Variants in AKAP12 observed in about 807,000 individuals in gnomAD.
AKAP12 encodes the protein A-kinase anchor protein 12.
AKAP12 carries 32 observed loss-of-function variants against 79.9 expected under a neutral mutation model. The observed-to-expected ratio is 0.40, with a 90% CI of 0.30 to 0.54. The LOEUF is 0.54. Ranked by LOEUF, AKAP12 falls within the 20% of genes least tolerant of loss-of-function variation. The pLI, the probability that AKAP12 is intolerant of heterozygous loss-of-function variation, is 0.48. For synonymous variants in AKAP12, 808 were observed against 857.0 expected, an observed-to-expected ratio of 0.94 and a Z score of 1.00; for missense variants, 2,074 against 2,177.0, an observed-to-expected ratio of 0.95 and a Z score of 0.94.
intron 2 of AKAP12, among the ~76,000 whole-genome samples, chr6:151,245,770 A>G (rs1288737855): frequency 6.6e-6 from 1 of 151,988 alleles, no homozygotes; most frequent in African/African-American, 2.4e-5. Flanking sequence ...AAAATTAATG[A>G]TTGAGAACTT....
At chr6:151,276,464 A>C (rs746251723) in intron 2 of AKAP12, among the ~76,000 whole-genome samples, 1 of 152,224 alleles carries the variant, frequency 6.6e-6, no homozygotes, top group African/African-American at 2.4e-5. Flanking sequence ...CCATCAAAAC[A>C]TGTCTGTAGT....
At chr6:151,340,425 G>T (rs1035262610) in intron 3 of AKAP12, among the ~76,000 whole-genome samples, 2 of 152,108 alleles carry the variant, frequency 1.3e-5, no homozygotes, top group African/African-American at 4.8e-5. Flanking sequence ...GAATACCAAG[G>T]AGCATGATTG....
intron 2 of AKAP12, among the ~76,000 whole-genome samples, chr6:151,241,112 T>C (rs1796966180): frequency 6.6e-6 from 1 of 152,164 alleles, no homozygotes; most frequent in Admixed American, 6.5e-5. Flanking sequence ...GGGCCGGGCC[T>C]CCGGAGCTCC....
chr6:151,256,724 A>G (rs1348207609), intron 2 of AKAP12, among the ~76,000 whole-genome samples: 1 of 151,842 alleles, frequency 6.6e-6, no homozygotes, highest in African/African-American at 2.4e-5. Flanking sequence ...ATCTCGGCTC[A>G]CTGCAACCTC....
rs966829519 is a variant in AKAP12, at chr6:151,247,962, A to T, written c.162+7238A>T. On this transcript the variant is annotated intron_variant, in intron 2 of 4. Transcript: ENST00000402676. ...CTGTGATGTTTTTTAAATGGGGGAA[A>T]CCCTGTAGTTTCTCTCTGCCTAATC... is the stretch of plus-strand genomic sequence containing the variant. Among the ~76,000 whole-genome samples, 3 of 152,020 alleles carry T rather than the reference A, an allele frequency of 2.0e-5. No homozygotes were observed. The East Asian group carries it at 5.8e-4, about 29-fold the overall frequency.
intron 2 of AKAP12, among the ~76,000 whole-genome samples, chr6:151,263,500 A>G (rs1797479553): frequency 6.6e-6 from 1 of 152,206 alleles, no homozygotes; most frequent in African/African-American, 2.4e-5. Context: ...CATCCATTCA[A>G]CAGATAATAA....
At chr6:151,322,829 G>T (rs1777431872) in intron 3 of AKAP12, among the ~76,000 whole-genome samples, 1 of 151,222 alleles carries the variant, frequency 6.6e-6, no homozygotes, top group South Asian at 2.1e-4. Context: ...TGGGTGTTTT[G>T]CGTAATAAAT....
intron 2 of AKAP12, among the ~76,000 whole-genome samples, chr6:151,260,616 T>TA (rs1797408051): frequency 6.6e-6 from 1 of 152,202 alleles, no homozygotes; most frequent in Non-Finnish European, 1.5e-5. Flanking sequence ...CGTCATGGTT[T>TA]AGAGGTGGCT....
chr6:151,284,054 T>C lies in AKAP12; in HGVS notation c.163-21693T>C, dbSNP rs967288256. 7.2e-5 allele frequency among the ~76,000 whole-genome samples: 11 copies of C among 152,338 alleles called. No homozygotes were observed. The South Asian group carries it at 1.9e-3, about 26-fold the overall frequency. On this transcript the variant is annotated intron_variant, in intron 2 of 4. Coordinates refer to ENST00000402676, the MANE Select transcript of AKAP12 (RefSeq NM_005100.4). ...TATATCTGATAAAGCGAGCAAGTCTTAAGCGTATAGCTTGGTGAGTTCTTA... is the reference window on the plus strand; with the variant it reads ...TATATCTGATAAAGCGAGCAAGTCTCAAGCGTATAGCTTGGTGAGTTCTTA...
intron 2 of AKAP12, among the ~76,000 whole-genome samples, chr6:151,245,763 A>G (rs566984194): frequency 1.3e-5 from 2 of 152,274 alleles, no homozygotes; most frequent in South Asian, 2.1e-4. Context: ...TTTTAAAAAA[A>G]TTAATGATTG....
At chr6:151,333,670 G>A (rs145676562) in intron 3 of AKAP12, among the ~76,000 whole-genome samples, 79 of 151,634 alleles carry the variant, frequency 5.2e-4, no homozygotes, top group African/African-American at 1.9e-3. Context: ...TTGAACCCGG[G>A]AGGTGGAGGC....
At chr6:151,328,636 CAA>C (rs113704575) in intron 3 of AKAP12, among the ~76,000 whole-genome samples, 4,209 of 116,468 alleles carry the variant, frequency 0.036, 183 homozygotes, top group African/African-American at 0.11. Flanking sequence ...GACTCCGTCT[CAA>C]AAAAAAAAAA....
At chr6:151,263,782 T>C (rs978294361) in intron 2 of AKAP12, among the ~76,000 whole-genome samples, 10 of 152,134 alleles carry the variant, frequency 6.6e-5, no homozygotes, top group Non-Finnish European at 1.3e-4. Flanking sequence ...TTTCACCATG[T>C]TGGCCAGGCT....
At position 151,324,926 on chromosome 6, in the gene AKAP12, G is replaced by T. The variant is rs78881301; in HGVS notation, c.319+19023G>T. The T allele has an allele frequency of 4.5e-4, 444 of 985,430 alleles. 1 individual carries two copies. In the African/African-American group the frequency reaches 7.5e-3, roughly 17 times the overall value. The allele number at this position is 985,430 out of a possible 1,614,324, so 61.0% of individuals were successfully genotyped here. The stretch of plus-strand genomic sequence containing the variant: ...GCTTTGATTTCCGAGTTGTGTGCTT[G>T]CATGTTAGAGATATGATAGTGTCTA... On this transcript the variant is annotated intron_variant, in intron 3 of 4. Coordinates refer to ENST00000402676, the MANE Select transcript of AKAP12 (RefSeq NM_005100.4).
At chr6:151,302,926 T>G (rs1197406028) in intron 2 of AKAP12, among the ~76,000 whole-genome samples, 1 of 152,226 alleles carries the variant, frequency 6.6e-6, no homozygotes, top group Non-Finnish European at 1.5e-5. Flanking sequence ...CTGGGCGCAG[T>G]GGCTCATGCC....
rs553475280 is a variant in AKAP12, at chr6:151,314,994, A to G, written c.319+9091A>G. Among the ~76,000 whole-genome samples the G allele has an allele frequency of 1.6e-3, 247 of 150,994 alleles. 2 individuals carry two copies. In the Middle Eastern group the frequency reaches 0.024, roughly 15 times the overall value. On this transcript the variant is annotated intron_variant, in intron 3 of 4. Transcript: ENST00000402676. ...TTGAACCCGGTAGGCGAGGGTTGCA[A>G]TGAGCCGAGATCACACCATTGCACT...
intron 2 of AKAP12, chr6:151,298,917 C>T (rs150882371): frequency 2.6e-5 from 4 of 152,268 alleles, no homozygotes; most frequent in Middle Eastern, 3.4e-3. Context: ...TGATAACCCA[C>T]TACCATCGGA....
At chr6:151,242,158 G>C (rs1354012929) in intron 2 of AKAP12, among the ~76,000 whole-genome samples, 1 of 152,174 alleles carries the variant, frequency 6.6e-6, no homozygotes, top group Non-Finnish European at 1.5e-5. Context: ...CCAGTGGTCA[G>C]AGTCTAGCGA....
At chr6:151,337,762 A>G (rs1053316434) in intron 3 of AKAP12, among the ~76,000 whole-genome samples, 20 of 151,732 alleles carry the variant, frequency 1.3e-4, no homozygotes, top group Admixed American at 6.6e-5. Flanking sequence ...TTCACTGGAG[A>G]AGGCTGGGCA....
Sources: gnomAD v4.1 joint callset for allele counts (sites outside exome capture counted in the v4.1 genomes callset) on GRCh38, gnomAD v4.1.1 for gene constraint, MANE v1.5 for transcripts, NCBI Gene and HGNC (gene_info 2026-07-23, HGNC 2026-07-21) for gene names.